RANBP17: variants seen among roughly 807,000 people sequenced by gnomAD.
RANBP17 encodes ran-binding protein 17.
Under a neutral mutation model 141.2 loss-of-function variants are expected in RANBP17, and 158 were observed. The observed-to-expected ratio is 1.12, with a 90% confidence interval of 0.98 to 1.28. The LOEUF is 1.28. Ranked by LOEUF, RANBP17 falls within the 50% of genes most tolerant of loss-of-function variation. RANBP17 has a pLI of 0.00. For missense variants in RANBP17, 1,438 were observed against 1,290.7 expected, an observed-to-expected ratio of 1.11 and a Z score of -1.75; for synonymous variants, 430 against 450.0, an observed-to-expected ratio of 0.96 and a Z score of 0.56.
intron 9 of RANBP17, among the ~76,000 whole-genome samples, chr5:170,917,783 T>C (rs1772099090): frequency 6.6e-6 from 1 of 152,164 alleles, no homozygotes; most frequent in African/African-American, 2.4e-5. Flanking sequence ...TGATAATTTC[T>C]CTTAAATGAT....
Position 171,155,923 on chromosome 5 carries a change from T to A in RANBP17, c.1711-14207T>A, listed in dbSNP as rs368694507. Among the ~76,000 whole-genome samples the A allele has an allele frequency of 2.0e-5, 3 of 152,262 alleles. No homozygotes were observed. The East Asian group carries it at 5.8e-4, about 29-fold the overall frequency. On this transcript the variant is annotated intron_variant, in intron 14 of 27. Coordinates refer to ENST00000523189, the MANE Select transcript of RANBP17 (RefSeq NM_022897.5). Reference sequence around the variant, plus strand: ...CTACCTCATAAATACATTCTCATCATAAGATTGGAGCATGAAAGCATTAAG... The same window carrying A: ...CTACCTCATAAATACATTCTCATCAAAAGATTGGAGCATGAAAGCATTAAG...
At chr5:171,292,705 T>G (rs1768566843) in intron 25 of RANBP17, among the ~76,000 whole-genome samples, 1 of 152,190 alleles carries the variant, frequency 6.6e-6, no homozygotes, top group Non-Finnish European at 1.5e-5. Context: ...AAGCAGAAAC[T>G]ATCATCAGCT....
chr5:171,061,582 C>T (rs1783854958), intron 14 of RANBP17, among the ~76,000 whole-genome samples: 1 of 152,066 alleles, frequency 6.6e-6, no homozygotes, highest in Non-Finnish European at 1.5e-5. Flanking sequence ...TTACTTCCAA[C>T]TATGTGGTGA....
chr5:171,026,916 G>A lies in RANBP17; in HGVS notation c.1710+58539G>A, dbSNP rs894765566. ...CTACATGGCAGGAGGTGAGCGGTGC[G>A]TGAGAAACATTACTGCCTGAGCTCC... On this transcript the variant is annotated intron_variant, in intron 14 of 27. Transcript: ENST00000523189. Among the ~76,000 whole-genome samples the A allele has an allele frequency of 1.3e-4, 20 of 152,138 alleles. 1 individual carries two copies. Among genetic ancestry groups the A allele is most frequent in the Non-Finnish European group, 1.5e-5 (1 of 68,020 alleles).
chr5:170,917,101 T>C (rs1772040048), intron 9 of RANBP17, among the ~76,000 whole-genome samples: 1 of 152,188 alleles, frequency 6.6e-6, no homozygotes, highest in Non-Finnish European at 1.5e-5. Context: ...TATTTTTTTC[T>C]TTTAGGCAAA....
At chr5:171,199,924 C>T in intron 19 of RANBP17, 151 bp downstream of exon 19, 1 of 475,610 alleles carries the variant, frequency 2.1e-6, no homozygotes, top group East Asian at 3.3e-5. Context: ...TTTATTTAAG[C>T]ATTTTTCTAG....
rs573815720 is a variant in RANBP17, at chr5:171,161,209, T to A, written c.1711-8921T>A. 2.6e-5 allele frequency among the ~76,000 whole-genome samples: 4 copies of A among 152,394 alleles called. No individual in the cohort carries two copies. The South Asian group carries it at 6.2e-4, about 24-fold the overall frequency. ...TGAAGCAATCCCATTGTCATTCATA[T>A]AACCACATCCAGAATTTGAACAGGA... On this transcript the variant is annotated intron_variant, in intron 14 of 27. Transcript: ENST00000523189.
At chr5:171,124,301 C>T (rs1451854348) in intron 14 of RANBP17, among the ~76,000 whole-genome samples, 1 of 151,534 alleles carries the variant, frequency 6.6e-6, no homozygotes, top group Admixed American at 6.6e-5. Flanking sequence ...ATTATACAGG[C>T]AGAGAAAGAA....
intron 14 of RANBP17, among the ~76,000 whole-genome samples, chr5:171,062,214 G>A (rs1415708778): frequency 2.0e-5 from 3 of 152,028 alleles, no homozygotes; most frequent in Non-Finnish European, 4.4e-5. Flanking sequence ...GATGTTAGCT[G>A]GTGATTTTGC....
intron 22 of RANBP17, among the ~76,000 whole-genome samples, chr5:171,224,415 G>T (rs1166831408): frequency 2.0e-5 from 3 of 152,022 alleles, no homozygotes; most frequent in Non-Finnish European, 4.4e-5. Context: ...TTGCACTAGG[G>T]CTGTTAAGGG....
intron 14 of RANBP17, among the ~76,000 whole-genome samples, chr5:171,129,835 T>C (rs868681335): frequency 6.6e-6 from 1 of 152,350 alleles, no homozygotes; most frequent in South Asian, 2.1e-4. Flanking sequence ...TCTGTTACGA[T>C]GTGCAGAATG....
At chr5:171,069,379 AT>A (rs912696927) in intron 14 of RANBP17, among the ~76,000 whole-genome samples, 4 of 152,124 alleles carry the variant, frequency 2.6e-5, no homozygotes, top group African/African-American at 9.7e-5. Flanking sequence ...TTCTTTATTC[AT>A]CAAGCAGTCA....
intron 14 of RANBP17, among the ~76,000 whole-genome samples, chr5:171,140,738 A>T (rs1205413718): frequency 6.6e-6 from 1 of 152,234 alleles, no homozygotes; most frequent in South Asian, 2.1e-4. Context: ...GTCAAAACTC[A>T]TAAACCTCTA....
intron 13 of RANBP17, among the ~76,000 whole-genome samples, chr5:170,961,717 A>G (rs3860762): frequency 0.61 from 93,116 of 152,020 alleles, 29,914 homozygotes; most frequent in South Asian, 0.89. Flanking sequence ...AACACTTCTG[A>G]TCTGAAGCAT....
At chr5:171,248,921 G>A (rs1026051124) in intron 24 of RANBP17, among the ~76,000 whole-genome samples, 1 of 152,020 alleles carries the variant, frequency 6.6e-6, no homozygotes. Flanking sequence ...CCAGCCCACC[G>A]CTGCTACTAC....
chr5:171,087,429 A>G (rs1473181242), intron 14 of RANBP17, among the ~76,000 whole-genome samples: 1 of 152,142 alleles, frequency 6.6e-6, no homozygotes, highest in Admixed American at 6.6e-5. Context: ...GCTGAAAAAA[A>G]TGTATATTCT....
intron 19 of RANBP17, among the ~76,000 whole-genome samples, chr5:171,202,647 C>G (rs1762359088): frequency 6.6e-6 from 1 of 152,054 alleles, no homozygotes; most frequent in Non-Finnish European, 1.5e-5. Context: ...AGGGATAGAG[C>G]AATAAAGGCA....
chr5:171,144,814 T>G (rs1757930390), intron 14 of RANBP17, among the ~76,000 whole-genome samples: 1 of 152,204 alleles, frequency 6.6e-6, no homozygotes, highest in Admixed American at 6.5e-5. Context: ...ATGATCTTCT[T>G]TGGATGTCAT....
intron 14 of RANBP17, among the ~76,000 whole-genome samples, chr5:171,085,506 A>T (rs1373746483): frequency 4.2e-5 from 2 of 47,462 alleles, no homozygotes; most frequent in Admixed American, 2.4e-4. Context: ...GAAGAAAGTC[A>T]TTGGTAGCTT....
Sources: gnomAD v4.1 joint callset for allele counts (sites outside exome capture counted in the v4.1 genomes callset) on GRCh38, gnomAD v4.1.1 for gene constraint, MANE v1.5 for transcripts, NCBI Gene and HGNC (gene_info 2026-07-23, HGNC 2026-07-21) for gene names.